The following KCNQ3 variants were observed in gnomAD, a reference collection of about 807,000 sequenced individuals.
The protein encoded by KCNQ3 is potassium voltage-gated channel subfamily Q member 3.
A neutral mutation model predicts 92.5 loss-of-function variants in KCNQ3; 30 were observed. The ratio of observed to expected loss-of-function variants is 0.32; its 90% CI spans 0.24 to 0.44. The LOEUF (loss-of-function observed/expected upper bound fraction) is 0.44, where lower values mean the gene tolerates loss of function less well. Ranked by LOEUF, KCNQ3 falls within the 20% of genes least tolerant of loss-of-function variation. The probability of loss-of-function intolerance (pLI) is 1.00; values close to 1 mark genes in which losing one functional copy is unlikely to be tolerated. For missense variants in KCNQ3, 913 were observed against 1,140.3 expected, an observed-to-expected ratio of 0.80 and a Z score of 2.87; for synonymous variants, 450 against 468.8, an observed-to-expected ratio of 0.96 and a Z score of 0.52.
At chr8:132,445,731 T>C (rs1412035233) in intron 1 of KCNQ3, among the ~76,000 whole-genome samples, 1 of 142,922 alleles carries the variant, frequency 7.0e-6, no homozygotes, top group Non-Finnish European at 1.5e-5. Flanking sequence ...TCTTACTATG[T>C]GTCAGGCATT....
At chr8:132,176,983 G>A (rs1012030684) in intron 4 of KCNQ3, among the ~76,000 whole-genome samples, 23 of 152,194 alleles carry the variant, frequency 1.5e-4, no homozygotes, top group Admixed American at 3.9e-4. Context: ...TTTGGTGAGC[G>A]AGGTTCTGTG....
chr8:132,162,370 T>C (rs938445609), intron 9 of KCNQ3, among the ~76,000 whole-genome samples: 1 of 152,166 alleles, frequency 6.6e-6, no homozygotes, highest in Non-Finnish European at 1.5e-5. Context: ...AAGAACACCC[T>C]GTTGGGAGTC....
Position 132,140,112 on chromosome 8 carries a change from A to C in KCNQ3, c.1532T>G (p.Met511Arg). The change falls in exon 11 of 15, where the codon ATG (methionine) becomes AGG (arginine). Residue 511 changes from methionine to arginine, a missense_variant. By Grantham distance (91) the Met-to-Arg change is moderately conservative (BLOSUM62 -1). Coordinates refer to ENST00000388996, the MANE Select transcript of KCNQ3 (RefSeq NM_004519.4). The stretch of plus-strand genomic sequence containing the variant: ...GATGGCGGCCTTCAGGGTGGGGATC[A>C]TGTCTTCGATGGGGAAGTCATTCCC... ...GYGNDFPIED[M>R]IPTLKAAIRA... 6.2e-7 allele frequency: 1 copy of C among 1,610,188 alleles called. No homozygotes were observed. The highest frequency in any genetic ancestry group is 8.5e-7 in the Non-Finnish European group (1 of 1,178,300).
At chr8:132,324,143 A>T (rs1340840407) in intron 1 of KCNQ3, among the ~76,000 whole-genome samples, 2 of 152,158 alleles carry the variant, frequency 1.3e-5, no homozygotes, top group South Asian at 4.1e-4. Flanking sequence ...CCTTCAAGCC[A>T]TTCAATACCA....
chr8:132,368,488 A>G (rs1236301410), intron 1 of KCNQ3, among the ~76,000 whole-genome samples: 1 of 152,126 alleles, frequency 6.6e-6, no homozygotes, highest in East Asian at 1.9e-4. Context: ...CCCTGTCTCA[A>G]CAAAAATAAA....
At chr8:132,172,807 G>C in intron 6 of KCNQ3, 114 bp from the exon 7 acceptor site, 1 of 764,958 alleles carries the variant, frequency 1.3e-6, no homozygotes, top group Non-Finnish European at 2.3e-6. Context: ...AGTCCTTGCA[G>C]TGACAACACT....
intron 1 of KCNQ3, among the ~76,000 whole-genome samples, chr8:132,301,950 C>T (rs920118440): frequency 1.8e-4 from 27 of 152,078 alleles, no homozygotes; most frequent in African/African-American, 5.6e-4. Context: ...ATACTACAGA[C>T]AAAGTGGAAA....
chr8:132,211,969 A>G (rs1272189204), intron 1 of KCNQ3, among the ~76,000 whole-genome samples: 1 of 151,992 alleles, frequency 6.6e-6, no homozygotes, highest in Non-Finnish European at 1.5e-5. Flanking sequence ...AAAAAAAAAA[A>G]AAACTTTTAA....
intron 9 of KCNQ3, among the ~76,000 whole-genome samples, chr8:132,150,972 C>T (rs1024444914): frequency 6.6e-5 from 10 of 151,726 alleles, no homozygotes; most frequent in African/African-American, 2.4e-4. Flanking sequence ...AAAATAAAAA[C>T]ATTATTGTTG....
chr8:132,368,235 G>A (rs73708413), intron 1 of KCNQ3, among the ~76,000 whole-genome samples: 6,120 of 152,216 alleles, frequency 0.04, 359 homozygotes, highest in African/African-American at 0.13. Flanking sequence ...TATTGAGGGC[G>A]TTAAGTGAGG....
At chr8:132,186,931 T>A (rs10091147) in intron 1 of KCNQ3, among the ~76,000 whole-genome samples, 57,960 of 106,758 alleles carry the variant, frequency 0.54, 17,303 homozygotes, top group African/African-American at 0.57. Flanking sequence ...TGTGTGTGTG[T>A]GTGAGAGAGA....
At chr8:132,185,542 AG>A (rs1232165916) in intron 2 of KCNQ3, among the ~76,000 whole-genome samples, 1 of 145,692 alleles carries the variant, frequency 6.9e-6, no homozygotes, top group African/African-American at 2.8e-5. Flanking sequence ...AAACAGAGTC[AG>A]GGGTACCTTA....
At chr8:132,447,316 G>T in intron 1 of KCNQ3, 2 of 1,411,028 alleles carry the variant, frequency 1.4e-6, no homozygotes, top group South Asian at 1.2e-5. Context: ...GGCAGACAAG[G>T]GTCAAGATAA....
At chr8:132,251,131 G>A (rs985902335) in intron 1 of KCNQ3, among the ~76,000 whole-genome samples, 2 of 152,110 alleles carry the variant, frequency 1.3e-5, no homozygotes, top group African/African-American at 4.8e-5. Flanking sequence ...AGCTGGTGTG[G>A]TGGTATGCAT....
rs546120216 is a variant in KCNQ3 at position 132,212,053 on chromosome 8, T to G, written c.387-25872A>C. On this transcript the variant is annotated intron_variant, in intron 1 of 14. Transcript: ENST00000388996. The stretch of plus-strand genomic sequence containing the variant: ...GCCTTCACCTCTCACTTCTCAACCC[T>G]GACCCCCTGGGCTTAGCTACATCAG... 1.1e-4 allele frequency among the ~76,000 whole-genome samples: 16 copies of G among 152,070 alleles called. 1 individual carries two copies. The highest frequency in any genetic ancestry group is 3.6e-4 in the African/African-American group (15 of 41,474).
intron 1 of KCNQ3, among the ~76,000 whole-genome samples, chr8:132,372,880 A>G (rs553574216): frequency 3.3e-5 from 5 of 152,164 alleles, no homozygotes; most frequent in African/African-American, 1.2e-4. Context: ...TTAGAGGCAG[A>G]AAGGCATGCA....
At chr8:132,340,902 G>C (rs1818511615) in intron 1 of KCNQ3, among the ~76,000 whole-genome samples, 1 of 152,168 alleles carries the variant, frequency 6.6e-6, no homozygotes, top group African/African-American at 2.4e-5. Flanking sequence ...AACTGAGCTG[G>C]ATCCCTCAAG....
chr8:132,276,895 G>C (rs900740886), intron 1 of KCNQ3, among the ~76,000 whole-genome samples: 3 of 152,230 alleles, frequency 2.0e-5, no homozygotes, highest in African/African-American at 7.2e-5. Flanking sequence ...GCAATGCTGT[G>C]AGGCCAAGAT....
intron 1 of KCNQ3, among the ~76,000 whole-genome samples, chr8:132,472,620 G>A (rs747288845): frequency 6.6e-6 from 1 of 152,172 alleles, no homozygotes; most frequent in Non-Finnish European, 1.5e-5. Context: ...GAATGTGCAG[G>A]AGTAGGGGTA....
Sources: gnomAD v4.1 joint callset for allele counts (sites outside exome capture counted in the v4.1 genomes callset) on GRCh38, gnomAD v4.1.1 for gene constraint, MANE v1.5 for transcripts, NCBI Gene and HGNC (gene_info 2026-07-23, HGNC 2026-07-21) for gene names.